The following SGCZ variants were observed in gnomAD, a reference collection of about 807,000 sequenced individuals.
SGCZ encodes the protein zeta-sarcoglycan.
SGCZ carries 40 observed loss-of-function variants against 41.3 expected under a neutral mutation model. That is an observed-to-expected ratio of 0.97 (90% CI 0.75 to 1.26). The LOEUF is 1.26. Ranked by LOEUF, SGCZ falls within the 50% of genes most tolerant of loss-of-function variation. SGCZ has a pLI of 0.00. For missense variants in SGCZ, 552 were observed against 369.8 expected (o/e 1.49, Z -4.04); for synonymous variants, 206 against 137.5 (o/e 1.50, Z -3.49).
chr8:14,554,729 T>C lies in SGCZ; in HGVS notation c.234+3A>G, dbSNP rs781640683. The C allele has an allele frequency of 1.2e-5, 19 of 1,610,948 alleles. No homozygotes were observed. The East Asian group carries it at 4.2e-4, about 36-fold the overall frequency. ...TAAGATGTAAAATCATAGTGGTACT[T>C]ACCACAGTGAAATTCATAACTTTCA... On this transcript the variant is annotated splice_donor_region_variant and intron_variant, in intron 2 of 7. Coordinates refer to ENST00000382080, the MANE Select transcript of SGCZ (RefSeq NM_139167.4).
intron 1 of SGCZ, among the ~76,000 whole-genome samples, chr8:15,061,940 G>C (rs543460480): frequency 2.0e-5 from 3 of 152,158 alleles, no homozygotes; most frequent in Admixed American, 6.5e-5. Context: ...CCAGTATCTA[G>C]CTGATTTTTG....
chr8:14,441,927 C>A (rs1203616866), intron 2 of SGCZ, among the ~76,000 whole-genome samples: 2 of 152,138 alleles, frequency 1.3e-5, no homozygotes, highest in Admixed American at 6.6e-5. Flanking sequence ...ATTCTTTACT[C>A]TTGGCTTTTC....
At chr8:14,765,618 G>T (rs929265127) in intron 1 of SGCZ, among the ~76,000 whole-genome samples, 1 of 152,162 alleles carries the variant, frequency 6.6e-6, no homozygotes, top group Admixed American at 6.5e-5. Context: ...GAAGGCTGGT[G>T]TGCAACAATA....
At chr8:15,185,947 G>A (rs1250550714) in intron 1 of SGCZ, among the ~76,000 whole-genome samples, 1 of 151,602 alleles carries the variant, frequency 6.6e-6, no homozygotes, top group Non-Finnish European at 1.5e-5. Context: ...TCTCTCGGCT[G>A]GGCGCGGTGG....
At chr8:14,537,910 C>G (rs540749179) in intron 2 of SGCZ, among the ~76,000 whole-genome samples, 7 of 151,986 alleles carry the variant, frequency 4.6e-5, no homozygotes, top group African/African-American at 1.7e-4. Flanking sequence ...AAGAGACCCT[C>G]TATCTCCAGG....
chr8:14,427,347 AT>A (rs1423224593), intron 2 of SGCZ, among the ~76,000 whole-genome samples: 1 of 152,152 alleles, frequency 6.6e-6, no homozygotes, highest in Non-Finnish European at 1.5e-5. Context: ...GAAAAACAAA[AT>A]AAAACAAACA....
At position 15,230,432 on chromosome 8, in the gene SGCZ, C is replaced by T. The variant is rs1226294636; in HGVS notation, c.39+7153G>A. ...TCTACTATCTGTTAACCTTGTGATC[C>T]TAGGCATTTCACTTGATTTTTCTGA... is the stretch of plus-strand genomic sequence containing the variant. On this transcript the variant is annotated intron_variant, in intron 1 of 7. Coordinates refer to ENST00000382080, the MANE Select transcript of SGCZ (RefSeq NM_139167.4). Among the ~76,000 whole-genome samples the T allele has an allele frequency of 2.0e-5, 3 of 152,106 alleles. No homozygotes were observed. The East Asian group carries it at 5.8e-4, about 29-fold the overall frequency.
intron 1 of SGCZ, among the ~76,000 whole-genome samples, chr8:15,121,322 G>A (rs536469033): frequency 1.4e-4 from 22 of 152,236 alleles, no homozygotes; most frequent in Middle Eastern, 6.8e-3. Flanking sequence ...TACAACAAAT[G>A]ACATTTCTTT....
At chr8:14,096,298 A>G (rs1277758524) in intron 7 of SGCZ, among the ~76,000 whole-genome samples, 1 of 152,090 alleles carries the variant, frequency 6.6e-6, no homozygotes, top group Non-Finnish European at 1.5e-5. Context: ...GTTTATTGAG[A>G]GTTTTTAGCA....
intron 2 of SGCZ, among the ~76,000 whole-genome samples, chr8:14,408,699 G>T (rs959163032): frequency 1.3e-5 from 2 of 151,944 alleles, no homozygotes; most frequent in Admixed American, 6.6e-5. Flanking sequence ...CCCTCATCTA[G>T]TCCTGCATGG....
intron 1 of SGCZ, among the ~76,000 whole-genome samples, chr8:14,616,704 C>T (rs949417892): frequency 6.6e-5 from 10 of 151,988 alleles, no homozygotes; most frequent in African/African-American, 1.9e-4. Context: ...TTTCAGGACA[C>T]GTTTAATTTA....
At chr8:14,473,813 G>A (rs987279739) in intron 2 of SGCZ, among the ~76,000 whole-genome samples, 5 of 151,654 alleles carry the variant, frequency 3.3e-5, no homozygotes, top group African/African-American at 7.2e-5. Context: ...TGGCGGGCAC[G>A]CGTAGTCCCA....
At chr8:14,612,254 G>A (rs79690685) in intron 1 of SGCZ, among the ~76,000 whole-genome samples, 7 of 151,828 alleles carry the variant, frequency 4.6e-5, no homozygotes, top group South Asian at 2.1e-4. Flanking sequence ...TGGATCATGG[G>A]GTCAGTCTCC....
chr8:14,505,985 A>T (rs573244875), intron 2 of SGCZ, among the ~76,000 whole-genome samples: 1 of 151,994 alleles, frequency 6.6e-6, no homozygotes, highest in African/African-American at 2.4e-5. Flanking sequence ...TCCTTCCCAA[A>T]CTTCCAAACA....
intron 3 of SGCZ, among the ~76,000 whole-genome samples, chr8:14,305,562 C>G (rs1284873345): frequency 6.6e-6 from 1 of 152,046 alleles, no homozygotes; most frequent in Non-Finnish European, 1.5e-5. Flanking sequence ...ATGTTCACTC[C>G]TTTAAAAACA....
intron 2 of SGCZ, among the ~76,000 whole-genome samples, chr8:14,419,848 C>T (rs898558540): frequency 2.0e-5 from 3 of 152,002 alleles, no homozygotes; most frequent in African/African-American, 7.2e-5. Context: ...AATTTGCTGA[C>T]TTGAAAGTCC....
intron 1 of SGCZ, among the ~76,000 whole-genome samples, chr8:15,233,243 A>G (rs1439545975): frequency 6.6e-6 from 1 of 151,448 alleles, no homozygotes; most frequent in Non-Finnish European, 1.5e-5. Context: ...ATAACAAAAT[A>G]CCACCTACTT....
At chr8:14,908,743 CAAAAAAA>C (rs58817872) in intron 1 of SGCZ, among the ~76,000 whole-genome samples, 16 of 91,114 alleles carry the variant, frequency 1.8e-4, no homozygotes, top group South Asian at 1.4e-3. Flanking sequence ...GTCACCGTTG[CAAAAAAA>C]AAAAAAAAAA....
At chr8:14,831,332 G>A (rs987710780) in intron 1 of SGCZ, among the ~76,000 whole-genome samples, 1 of 152,090 alleles carries the variant, frequency 6.6e-6, no homozygotes, top group African/African-American at 2.4e-5. Flanking sequence ...AAATAGAAGA[G>A]GACTATACTT....
Sources: allele counts gnomAD v4.1 joint callset (sites outside exome capture counted in the v4.1 genomes callset), GRCh38; gene constraint gnomAD v4.1.1; transcripts MANE v1.5; gene names NCBI Gene and HGNC (gene_info 2026-07-23, HGNC 2026-07-21).